Variants in PXDNL observed in about 807,000 individuals in gnomAD.
PXDNL encodes peroxidasin like, also known as probable oxidoreductase PXDNL.
A neutral mutation model predicts 150.8 loss-of-function variants in PXDNL; 145 were observed. The observed-to-expected ratio is 0.96, with a 90% CI of 0.84 to 1.10. The LOEUF (loss-of-function observed/expected upper bound fraction) is 1.10, where lower values mean the gene tolerates loss of function less well. Among genes scored for constraint, PXDNL ranks in the 50% least tolerant of loss-of-function variants. The pLI, the probability that PXDNL is intolerant of heterozygous loss-of-function variation, is 0.00. For missense variants in PXDNL, 2,087 were observed against 1,873.9 expected, an observed-to-expected ratio of 1.11 and a Z score of -2.10; for synonymous variants, 757 against 725.7, an observed-to-expected ratio of 1.04 and a Z score of -0.69.
intron 3 of PXDNL, among the ~76,000 whole-genome samples, chr8:51,561,942 T>C (rs759183385): frequency 6.6e-6 from 1 of 151,936 alleles, no homozygotes; most frequent in Non-Finnish European, 1.5e-5. Flanking sequence ...ATAAAATAAC[T>C]GTGTCTACAT....
At chr8:51,359,360 T>C (rs909454794) in intron 19 of PXDNL, among the ~76,000 whole-genome samples, 4 of 152,344 alleles carry the variant, frequency 2.6e-5, no homozygotes, top group South Asian at 2.1e-4. Flanking sequence ...GATCAGATGA[T>C]GTTGGAACTA....
chr8:51,601,555 T>C (rs552705759), intron 2 of PXDNL, among the ~76,000 whole-genome samples: 1 of 152,180 alleles, frequency 6.6e-6, no homozygotes, highest in East Asian at 1.9e-4. Flanking sequence ...TGCTTTTTTT[T>C]CCATTTGCAT....
chr8:51,339,618 A>G lies in PXDNL; in HGVS notation c.4146+6T>C, dbSNP rs746724172. 4.3e-6 allele frequency: 7 copies of G among 1,611,362 alleles called. No homozygotes were observed. The highest frequency in any genetic ancestry group is 1.7e-5 in the Admixed American group (1 of 59,430). On this transcript the variant is annotated splice_donor_region_variant and intron_variant, in intron 21 of 22. Coordinates refer to ENST00000356297, the MANE Select transcript of PXDNL (RefSeq NM_144651.5). Reference sequence around the variant, plus strand: ...TAAGGACATGTTATTTGAAGAGAAAACAAACCTGCTCTCTGAGTGCTGTGA... The same window carrying G: ...TAAGGACATGTTATTTGAAGAGAAAGCAAACCTGCTCTCTGAGTGCTGTGA...
chr8:51,597,702 A>G (rs1813604115), intron 2 of PXDNL, among the ~76,000 whole-genome samples: 1 of 149,922 alleles, frequency 6.7e-6, no homozygotes, highest in Non-Finnish European at 1.5e-5. Flanking sequence ...TACTGTAAAT[A>G]GGATTGCATT....
chr8:51,568,845 A>AT (rs1812875104), intron 3 of PXDNL, among the ~76,000 whole-genome samples: 1 of 151,806 alleles, frequency 6.6e-6, no homozygotes, highest in East Asian at 1.9e-4. Flanking sequence ...CATATCACCA[A>AT]GGTCACTGAT....
intron 14 of PXDNL, among the ~76,000 whole-genome samples, chr8:51,422,400 T>C (rs1808979522): frequency 6.6e-6 from 1 of 151,908 alleles, no homozygotes; most frequent in South Asian, 2.1e-4. Flanking sequence ...GCAAAATAAA[T>C]GCTCAGAAGT....
In PXDNL at chr8:51,788,989, G is replaced by A. The variant is rs143529597; in HGVS notation, c.164+20192C>T. ...ATTAATATTCCTGATTTCTCCCTGG[G>A]AATGCACACCACTAGTGCCTTTCCT... On this transcript the variant is annotated intron_variant, in intron 1 of 22. Coordinates refer to ENST00000356297, the MANE Select transcript of PXDNL (RefSeq NM_144651.5). 2.7e-3 allele frequency among the ~76,000 whole-genome samples: 412 copies of A among 152,126 alleles called. 1 individual carries two copies. Among genetic ancestry groups the A allele is most frequent in the African/African-American group, 9.3e-3 (388 of 41,504 alleles).
chr8:51,568,214 T>C (rs1164609618), intron 3 of PXDNL, among the ~76,000 whole-genome samples: 2 of 151,810 alleles, frequency 1.3e-5, no homozygotes, highest in Non-Finnish European at 2.9e-5. Flanking sequence ...TTGCTCCACC[T>C]TCCTTTGTAT....
chr8:51,348,436 C>T (rs1334059869), intron 19 of PXDNL, among the ~76,000 whole-genome samples: 1 of 152,164 alleles, frequency 6.6e-6, no homozygotes, highest in African/African-American at 2.4e-5. Context: ...TGTAATGTGA[C>T]AGCTAAAATG....
chr8:51,729,434 T>G (rs900703672), intron 1 of PXDNL, among the ~76,000 whole-genome samples: 2 of 152,008 alleles, frequency 1.3e-5, no homozygotes, highest in African/African-American at 2.4e-5. Flanking sequence ...AGTTACAAAT[T>G]AAAACAATGA....
chr8:51,607,576 C>T (rs1813863124), intron 2 of PXDNL, among the ~76,000 whole-genome samples: 1 of 151,998 alleles, frequency 6.6e-6, no homozygotes, highest in Non-Finnish European at 1.5e-5. Flanking sequence ...CACAGTGGCT[C>T]ATGCCTGTAA....
At chr8:51,703,373 C>T (rs1585686696) in intron 1 of PXDNL, among the ~76,000 whole-genome samples, 1 of 151,612 alleles carries the variant, frequency 6.6e-6, no homozygotes, top group Non-Finnish European at 1.5e-5. Flanking sequence ...AAAATATTTC[C>T]CCAACAATTA....
At chr8:51,679,124 C>A (rs1778213501) in intron 1 of PXDNL, among the ~76,000 whole-genome samples, 1 of 152,188 alleles carries the variant, frequency 6.6e-6, no homozygotes, top group Admixed American at 6.5e-5. Flanking sequence ...AAAAAACTGG[C>A]ACTTTTCCCA....
intron 2 of PXDNL, among the ~76,000 whole-genome samples, chr8:51,601,731 A>G (rs754028613): frequency 1.2e-4 from 18 of 151,532 alleles, no homozygotes; most frequent in Non-Finnish European, 2.1e-4. Flanking sequence ...GTTAATATTC[A>G]TATGTAAGAG....
At chr8:51,724,445 A>G (rs1365590692) in intron 1 of PXDNL, among the ~76,000 whole-genome samples, 1 of 152,132 alleles carries the variant, frequency 6.6e-6, no homozygotes, top group African/African-American at 2.4e-5. Flanking sequence ...GACAACAGAC[A>G]TATCTGTTAT....
intron 1 of PXDNL, among the ~76,000 whole-genome samples, chr8:51,788,346 G>A (rs1011829267): frequency 6.6e-6 from 1 of 152,192 alleles, no homozygotes; most frequent in South Asian, 2.1e-4. Flanking sequence ...AACGGGGCAA[G>A]GATGAATTCT....
At chr8:51,560,913 A>C (rs1247549004) in intron 3 of PXDNL, among the ~76,000 whole-genome samples, 1 of 148,056 alleles carries the variant, frequency 6.8e-6, no homozygotes, top group Non-Finnish European at 1.5e-5. Context: ...AGAATATACA[A>C]AGGCCTTCTA....
At chr8:51,625,076 G>A (rs1392212510) in intron 2 of PXDNL, among the ~76,000 whole-genome samples, 1 of 152,028 alleles carries the variant, frequency 6.6e-6, no homozygotes, top group Non-Finnish European at 1.5e-5. Context: ...TACAGACCAT[G>A]AAAACCTGAA....
Position 51,705,883 on chromosome 8 carries a change from G to A in PXDNL, c.165-51123C>T, listed in dbSNP as rs1816368453. Among the ~76,000 whole-genome samples, 3 of 151,944 alleles carry A rather than the reference G, an allele frequency of 2.0e-5. No individual in the cohort carries two copies. In the South Asian group the frequency reaches 6.2e-4, roughly 31 times the overall value. ...TGCACATGTGTGCAGATTCTTACAT[G>A]CACAAAGATATTCATAATTTACATT... On this transcript the variant is annotated intron_variant, in intron 1 of 22. Coordinates refer to ENST00000356297, the MANE Select transcript of PXDNL (RefSeq NM_144651.5).
Sources: allele counts gnomAD v4.1 joint callset (sites outside exome capture counted in the v4.1 genomes callset), GRCh38; gene constraint gnomAD v4.1.1; transcripts MANE v1.5; gene names NCBI Gene and HGNC (gene_info 2026-07-23, HGNC 2026-07-21).